The following PDE10A variants were observed in gnomAD, a reference collection of about 807,000 sequenced individuals.
The protein encoded by PDE10A is phosphodiesterase 10A, also known as cAMP and cAMP-inhibited cGMP 3',5'-cyclic phosphodiesterase 10A.
PDE10A carries 39 observed loss-of-function variants against 97.7 expected under a neutral mutation model. The observed-to-expected ratio is 0.40, with a 90% CI of 0.31 to 0.52. The LOEUF is 0.52. Ranked by LOEUF, PDE10A falls within the 20% of genes least tolerant of loss-of-function variation. PDE10A has a pLI of 0.56. For synonymous variants in PDE10A, 371 were observed against 376.8 expected, an observed-to-expected ratio of 0.98 and a Z score of 0.18; for missense variants, 731 against 1,047.8, an observed-to-expected ratio of 0.70 and a Z score of 4.17.
At chr6:165,838,038 G>T (rs1363942753) in intron 1 of PDE10A, among the ~76,000 whole-genome samples, 1 of 152,198 alleles carries the variant, frequency 6.6e-6, no homozygotes, top group Non-Finnish European at 1.5e-5. Context: ...GGAAGTTAGA[G>T]AACTAGAAAC....
At chr6:165,607,942 G>C (rs11964908) in intron 1 of PDE10A, among the ~76,000 whole-genome samples, 1 of 151,852 alleles carries the variant, frequency 6.6e-6, no homozygotes, top group South Asian at 2.1e-4. Flanking sequence ...GAACAGAAGG[G>C]GAACGACCCA....
chr6:165,667,319 G>A (rs965892932), upstream of PDE10A, among the ~76,000 whole-genome samples: 4 of 152,054 alleles, frequency 2.6e-5, no homozygotes, highest in Admixed American at 2.0e-4. Flanking sequence ...AGTATACCCT[G>A]AACCCAATTT....
At chr6:165,657,668 C>T (rs1397716510) in intron 1 of PDE10A, among the ~76,000 whole-genome samples, 1 of 152,190 alleles carries the variant, frequency 6.6e-6, no homozygotes, top group Non-Finnish European at 1.5e-5. Context: ...TAGCAGATGA[C>T]ACCATCTTCT....
At chr6:165,729,252 G>A (rs1792367955) in intron 1 of PDE10A, among the ~76,000 whole-genome samples, 2 of 151,244 alleles carry the variant, frequency 1.3e-5, no homozygotes, top group African/African-American at 2.4e-5. Flanking sequence ...CAGTGAAACC[G>A]AATATCAACC....
chr6:165,900,058 C>T (rs1318057688), intron 1 of PDE10A, among the ~76,000 whole-genome samples: 3 of 152,212 alleles, frequency 2.0e-5, no homozygotes, highest in Admixed American at 6.5e-5. Context: ...CCCACAGGTT[C>T]GCTGGTGCCC....
intron 5 of PDE10A, among the ~76,000 whole-genome samples, chr6:165,442,073 G>A (rs1353784983): frequency 9.2e-5 from 14 of 152,032 alleles, no homozygotes; most frequent in Non-Finnish European, 2.1e-4. Flanking sequence ...AATGGTTTGT[G>A]TATTAGTCTG....
intron 3 of PDE10A, among the ~76,000 whole-genome samples, chr6:165,466,660 A>G (rs1357605084): frequency 6.6e-6 from 1 of 152,146 alleles, no homozygotes; most frequent in Non-Finnish European, 1.5e-5. Context: ...TGTTAAGGTG[A>G]TCTACAGTCA....
At chr6:165,592,339 A>G (rs1583604945) in intron 1 of PDE10A, among the ~76,000 whole-genome samples, 1 of 147,672 alleles carries the variant, frequency 6.8e-6, no homozygotes, top group Non-Finnish European at 1.5e-5. Context: ...ACCTAAAACC[A>G]TACAAACCCT....
At chr6:165,794,307 C>A (rs1448422869) in intron 1 of PDE10A, among the ~76,000 whole-genome samples, 1 of 151,566 alleles carries the variant, frequency 6.6e-6, no homozygotes, top group Non-Finnish European at 1.5e-5. Flanking sequence ...CACTCACACA[C>A]GCTCACACAT....
At chr6:165,498,408 G>A (rs178370) in intron 2 of PDE10A, among the ~76,000 whole-genome samples, 3,331 of 88,318 alleles carry the variant, frequency 0.038, 53 homozygotes, top group Admixed American at 0.055. Flanking sequence ...GGATGACAGA[G>A]CAAGACCCTG....
In PDE10A at chr6:165,539,551, T is replaced by C. The variant is rs575816634; in HGVS notation, c.994+3889A>G. On this transcript the variant is annotated intron_variant, in intron 2 of 21. Coordinates refer to ENST00000539869, the MANE Select transcript of PDE10A (RefSeq NM_001385079.1). ...GTAGACTGAGAACCCTTTAACAATT[T>C]AATAATCCCAGCACCTGAACAGAAC... Among the ~76,000 whole-genome samples, 84 of 152,292 alleles carry C rather than the reference T, an allele frequency of 5.5e-4. 1 individual carries two copies. The highest frequency in any genetic ancestry group is 1.0e-3 in the Non-Finnish European group (70 of 68,026).
chr6:165,838,734 T>C (rs757915870), intron 1 of PDE10A, among the ~76,000 whole-genome samples: 3 of 152,214 alleles, frequency 2.0e-5, no homozygotes, highest in Non-Finnish European at 4.4e-5. Context: ...CTCAGGCAAA[T>C]CACTGAAACT....
intron 1 of PDE10A, among the ~76,000 whole-genome samples, chr6:165,639,736 C>A (rs1350813240): frequency 1.2e-5 from 1 of 86,486 alleles, no homozygotes; most frequent in African/African-American, 5.0e-5. Context: ...AAGACTCTGT[C>A]CCAAAAAAAA....
chr6:165,419,640 A>G (rs1788557486), intron 10 of PDE10A, among the ~76,000 whole-genome samples: 1 of 152,234 alleles, frequency 6.6e-6, no homozygotes, highest in Non-Finnish European at 1.5e-5. Flanking sequence ...TTCAACAAAT[A>G]TGTCTTCAAT....
chr6:165,377,504 C>T (rs924056335), intron 18 of PDE10A, among the ~76,000 whole-genome samples: 3 of 152,064 alleles, frequency 2.0e-5, no homozygotes, highest in South Asian at 2.1e-4. Context: ...ACCACTACCA[C>T]GTATGTACAT....
rs1789928744 is a variant in PDE10A at position 165,435,376 on chromosome 6, C to T, written c.1196G>A (p.Ser399Asn). 1.9e-6 allele frequency: 3 copies of T among 1,611,312 alleles called. No individual in the cohort carries two copies. The highest frequency in any genetic ancestry group is 2.2e-5 in the South Asian group (2 of 90,574). Reference protein sequence around the residue: ...ALYFLGECNNSLCIFTPPGIK... With the variant: ...ALYFLGECNNNLCIFTPPGIK... ...CCCAGGTGGCGTGAATATACACAGG[C>T]TCTAGGGAGAAGAAAAGATGTTTTA... Residue 399 changes from serine (S) to asparagine (N), a missense_variant and splice_region_variant, in exon 6 of 22, where the codon AGC (serine) becomes AAC (asparagine). By Grantham distance (46) the Ser-to-Asn change is conservative. Around this residue, in one of 8 missense-constraint regions of PDE10A, gnomAD observed 152 missense variants for 199.3 expected, o/e 0.76. Coordinates refer to ENST00000539869, the MANE Select transcript of PDE10A (RefSeq NM_001385079.1).
In PDE10A at chr6:165,549,851, G is replaced by A. The variant is rs1783928269; in HGVS notation, c.866-6283C>T. ...TCAAATCGGAGGCTAAAGAATTATT[G>A]TTTTACTCATTCTAAGAAAGAATGT... On this transcript the variant is annotated intron_variant, in intron 1 of 21. Transcript: ENST00000539869. Among the ~76,000 whole-genome samples, 3 of 152,142 alleles carry A rather than the reference G, an allele frequency of 2.0e-5. No homozygotes were observed. In the South Asian group the frequency reaches 6.2e-4, roughly 32 times the overall value.
chr6:165,353,063 A>ATG (rs1207730837), intron 18 of PDE10A, among the ~76,000 whole-genome samples: 1 of 152,240 alleles, frequency 6.6e-6, no homozygotes, highest in Admixed American at 6.5e-5. Flanking sequence ...AAATATATAT[A>ATG]AAGATGGCAA....
intron 1 of PDE10A, chr6:165,545,104 T>C: frequency 2.1e-6 from 1 of 483,926 alleles, no homozygotes; most frequent in South Asian, 1.6e-5. Flanking sequence ...TCATGCTCTC[T>C]TTAGGTCCTC....
Sources: gnomAD v4.1 joint callset for allele counts (sites outside exome capture counted in the v4.1 genomes callset) on GRCh38, gnomAD v4.1.1 for gene constraint, gnomAD v4.1.1 regional missense constraint, MANE v1.5 for transcripts, NCBI Gene and HGNC (gene_info 2026-07-23, HGNC 2026-07-21) for gene names.